The following LY75 variants were observed in gnomAD, a reference collection of about 807,000 sequenced individuals.
LY75 encodes the protein C-type lectin domain family 13 member B.
LY75 carries 185 observed loss-of-function variants against 231.7 expected under a neutral mutation model. That is an observed-to-expected ratio of 0.80 (90% CI 0.71 to 0.90). The LOEUF is 0.90. LY75 is among the 40% of genes least tolerant of loss of function. LY75 has a pLI of 0.00. For synonymous variants in LY75, 668 were observed against 689.0 expected, an observed-to-expected ratio of 0.97 and a Z score of 0.48; for missense variants, 1,947 against 2,050.2, an observed-to-expected ratio of 0.95 and a Z score of 0.97.
chr2:159,853,133 G>A (rs774311802), intron 20 of LY75, 140 bp downstream of exon 20: 7 of 809,928 alleles, frequency 8.6e-6, no homozygotes, highest in Non-Finnish European at 1.3e-5. Flanking sequence ...GGGAATTTGA[G>A]CTATTGTTGC....
chr2:159,813,642 C>T (rs1683033006), intron 31 of LY75, among the ~76,000 whole-genome samples: 2 of 152,142 alleles, frequency 1.3e-5, no homozygotes, highest in South Asian at 4.1e-4. Flanking sequence ...GTGTCTGTAT[C>T]TCCCTCTTAT....
chr2:159,886,099 GT>G (rs1247971188), intron 5 of LY75, among the ~76,000 whole-genome samples: 1 of 152,140 alleles, frequency 6.6e-6, no homozygotes, highest in African/African-American at 2.4e-5. Context: ...CACAGCATGG[GT>G]GAGTTATAGA....
intron 28 of LY75, among the ~76,000 whole-genome samples, chr2:159,829,044 G>C (rs777810190): frequency 1.3e-5 from 2 of 152,062 alleles, no homozygotes; most frequent in Non-Finnish European, 2.9e-5. Context: ...TTTCTTTTTG[G>C]GGTAGTGATG....
chr2:159,882,912 T>C (rs1190680606), intron 6 of LY75, among the ~76,000 whole-genome samples: 1 of 151,972 alleles, frequency 6.6e-6, no homozygotes, highest in African/African-American at 2.4e-5. Flanking sequence ...ATGGTCCTCA[T>C]GGAATTAGTG....
At chr2:159,887,222 C>CACACACACAA (rs1392244667) in intron 4 of LY75, among the ~76,000 whole-genome samples, 4 of 149,532 alleles carry the variant, frequency 2.7e-5, no homozygotes, top group African/African-American at 9.8e-5. Context: ...CACACACACA[C>CACACACACAA]ACACACACAC....
At chr2:159,841,850 G>C (rs187357582) in intron 24 of LY75, among the ~76,000 whole-genome samples, 1 of 151,888 alleles carries the variant, frequency 6.6e-6, no homozygotes, top group East Asian at 1.9e-4. Context: ...ACTATAATGG[G>C]ATAACTACTA....
At chr2:159,875,761 CAA>C in intron 11 of LY75, 118 bp from the exon 12 acceptor site, 1 of 1,214,890 alleles carries the variant, frequency 8.2e-7, no homozygotes, top group East Asian at 2.4e-5. Flanking sequence ...AAAAATGGAA[CAA>C]AGAGAGGAAA....
chr2:159,815,616 A>T (rs2729700), intron 30 of LY75, 43 bp from the exon 31 acceptor site: 77,603 of 1,580,132 alleles, frequency 0.049, 3,804 homozygotes, highest in East Asian at 0.22. Flanking sequence ...CAGATGTTTG[A>T]CTTCAAAAAG....
At chr2:159,855,930 G>A (rs1684537883) in intron 16 of LY75, among the ~76,000 whole-genome samples, 1 of 152,188 alleles carries the variant, frequency 6.6e-6, no homozygotes, top group Non-Finnish European at 1.5e-5. Context: ...TGACTCAGAG[G>A]ACTGCCTGAA....
At chr2:159,818,233 T>C (rs1683181789) in intron 29 of LY75, among the ~76,000 whole-genome samples, 1 of 151,914 alleles carries the variant, frequency 6.6e-6, no homozygotes, top group Non-Finnish European at 1.5e-5. Context: ...AAGAAGACAG[T>C]ATGGAAAGGA....
At position 159,888,625 on chromosome 2, in the gene LY75, C is replaced by T. The variant is rs150921790; in HGVS notation, c.802+1588G>A. On this transcript the variant is annotated intron_variant, in intron 4 of 34. Coordinates refer to ENST00000263636, the MANE Select transcript of LY75 (RefSeq NM_002349.4). ...TATTATAAAATAGTGTGACAGAATGCATCTGAATTACTTAGACAATACATG... is the reference window on the plus strand; with the variant it reads ...TATTATAAAATAGTGTGACAGAATGTATCTGAATTACTTAGACAATACATG... Among the ~76,000 whole-genome samples, 307 of 152,208 alleles carry T rather than the reference C, an allele frequency of 2.0e-3. 1 individual carries two copies. Among genetic ancestry groups the T allele is most frequent in the African/African-American group, 6.9e-3 (287 of 41,542 alleles).
chr2:159,854,870 C>A (rs1472134276), intron 17 of LY75, 34 bp downstream of exon 17: 2 of 1,612,074 alleles, frequency 1.2e-6, no homozygotes, highest in African/African-American at 1.3e-5. Context: ...AAGGTAAAAG[C>A]AGCTTTGGTT....
intron 29 of LY75, among the ~76,000 whole-genome samples, chr2:159,817,382 G>T (rs906365347): frequency 6.6e-6 from 1 of 152,176 alleles, no homozygotes; most frequent in African/African-American, 2.4e-5. Flanking sequence ...AAGACTACTT[G>T]ATAAACCAGG....
chr2:159,876,652 GC>G (rs1417468511), intron 11 of LY75, among the ~76,000 whole-genome samples: 1 of 151,942 alleles, frequency 6.6e-6, no homozygotes, highest in Non-Finnish European at 1.5e-5. Flanking sequence ...TACTTCCCAA[GC>G]ACCTCTCCAA....
chr2:159,859,805 G>A (rs1684648807), intron 15 of LY75, among the ~76,000 whole-genome samples: 1 of 152,120 alleles, frequency 6.6e-6, no homozygotes. Context: ...TTGCTTATGT[G>A]CTATGTGACA....
At chr2:159,862,291 C>CCA (rs572384198) in intron 14 of LY75, among the ~76,000 whole-genome samples, 1 of 123,394 alleles carries the variant, frequency 8.1e-6, no homozygotes, top group Non-Finnish European at 1.6e-5. Context: ...GACTACGTCT[C>CCA]AAAAAAAAAA....
chr2:159,877,028 A>AAAAAAAAAAAAAAAAG (rs1553810533), intron 11 of LY75, among the ~76,000 whole-genome samples: 3 of 117,090 alleles, frequency 2.6e-5, no homozygotes, highest in Non-Finnish European at 5.4e-5. Flanking sequence ...AAAAAAAAAA[A>AAAAAAAAAAAAAAAAG]AAAAAAGAAA....
In LY75 at chr2:159,840,745, C is replaced by A; in HGVS notation, c.3491G>T (p.Gly1164Val). ...ALLHNSSLWI[G>V]LFSQDDELNF... is the part of the protein sequence containing the mutation. The stretch of plus-strand genomic sequence containing the variant: ...AACACTTACATCTTGACTGAAGAGT[C>A]CGATCCATAAGGAAGAGTTGTGAAG... The change falls in exon 25 of 35, where the codon GGA becomes GTA. Residue 1164 changes from glycine (G) to valine (V), a missense_variant. Physicochemically the swap from Gly to Val is moderately radical, Grantham distance 109. Transcript: ENST00000263636. 1 of 1,614,018 alleles carries A rather than the reference C, an allele frequency of 6.2e-7. No homozygotes were observed. The highest frequency in any genetic ancestry group is 8.5e-7 in the Non-Finnish European group (1 of 1,179,954).
chr2:159,806,300 C>T (rs1023573626), intron 34 of LY75, among the ~76,000 whole-genome samples: 3 of 152,138 alleles, frequency 2.0e-5, no homozygotes, highest in Non-Finnish European at 4.4e-5. Context: ...ATATAGTAGA[C>T]ACTCTATTTA....
Sources: allele counts gnomAD v4.1 joint callset (sites outside exome capture counted in the v4.1 genomes callset), GRCh38; gene constraint gnomAD v4.1.1; transcripts MANE v1.5; gene names NCBI Gene and HGNC (gene_info 2026-07-23, HGNC 2026-07-21).